FUT8: variants seen among roughly 807,000 people sequenced by gnomAD.
FUT8 encodes alpha-(1,6)-fucosyltransferase.
In FUT8, 29 loss-of-function variants were observed where a neutral mutation model predicts 71.3. The ratio of observed to expected loss-of-function variants is 0.41; its 90% CI spans 0.30 to 0.55. The LOEUF (loss-of-function observed/expected upper bound fraction) is 0.55, where lower values mean the gene tolerates loss of function less well. Ranked by LOEUF, FUT8 falls within the 20% of genes least tolerant of loss-of-function variation. The pLI, the probability that FUT8 is intolerant of heterozygous loss-of-function variation, is 0.34. For synonymous variants in FUT8, 254 were observed against 239.3 expected (o/e 1.06, Z -0.57); for missense variants, 544 against 702.1 (o/e 0.77, Z 2.55).
chr14:65,549,417 T>TAACA (rs1489744849), intron 2 of FUT8, among the ~76,000 whole-genome samples: 3 of 152,120 alleles, frequency 2.0e-5, no homozygotes, highest in Non-Finnish European at 4.4e-5. Flanking sequence ...CCATGTATGG[T>TAACA]TTACCCCCCA....
At chr14:65,484,638 C>T (rs1387305834) in intron 2 of FUT8, among the ~76,000 whole-genome samples, 1 of 151,932 alleles carries the variant, frequency 6.6e-6, no homozygotes, top group East Asian at 1.9e-4. Context: ...CATGCCACTG[C>T]ACTCCAGCCT....
At chr14:65,578,188 C>T (rs144610276) in intron 3 of FUT8, among the ~76,000 whole-genome samples, 2 of 151,994 alleles carry the variant, frequency 1.3e-5, no homozygotes, top group South Asian at 4.2e-4. Flanking sequence ...ATTAAACATT[C>T]TTTATATTTT....
chr14:65,597,402 G>A (rs3783708), intron 3 of FUT8, among the ~76,000 whole-genome samples: 54,213 of 151,914 alleles, frequency 0.36, 11,881 homozygotes, highest in Non-Finnish European at 0.5. Flanking sequence ...GCCGAGGCGG[G>A]TGGATCACGA....
At chr14:65,357,749 C>T in the FUT8 span, among the ~76,000 whole-genome samples, 17 of 152,270 alleles carry the variant, frequency 1.1e-4, no homozygotes, top group African/African-American at 3.6e-4. Flanking sequence ...AGGGTAATGA[C>T]AATAGTCTCT....
chr14:65,589,890 G>A (rs1045780654), intron 3 of FUT8, among the ~76,000 whole-genome samples: 1 of 152,142 alleles, frequency 6.6e-6, no homozygotes, highest in Admixed American at 6.5e-5. Flanking sequence ...AAAAGATGAT[G>A]CATAGACATG....
chr14:65,700,242 T>C (rs1386670122), intron 7 of FUT8, among the ~76,000 whole-genome samples: 2 of 152,176 alleles, frequency 1.3e-5, no homozygotes, highest in Non-Finnish European at 2.9e-5. Context: ...CATCAAGGCC[T>C]GAATATTCAT....
intron 1 of FUT8, among the ~76,000 whole-genome samples, chr14:65,414,573 T>G (rs1158606491): frequency 7.2e-5 from 11 of 152,214 alleles, no homozygotes; most frequent in Non-Finnish European, 1.6e-4. Flanking sequence ...ATTACTTGAT[T>G]TGTAAATACT....
intron 6 of FUT8, among the ~76,000 whole-genome samples, chr14:65,636,903 G>T (rs1890585310): frequency 6.6e-6 from 1 of 152,148 alleles, no homozygotes; most frequent in Non-Finnish European, 1.5e-5. Flanking sequence ...AGATTAAACT[G>T]ATTAAAAGAT....
intron 7 of FUT8, among the ~76,000 whole-genome samples, chr14:65,715,292 C>T (rs566824489): frequency 3.3e-5 from 5 of 152,118 alleles, no homozygotes; most frequent in African/African-American, 1.2e-4. Flanking sequence ...ATGAAGAGAT[C>T]TTGAATTTTA....
intron 1 of FUT8, among the ~76,000 whole-genome samples, chr14:65,450,943 G>A (rs1022415302): frequency 2.7e-5 from 4 of 150,916 alleles, no homozygotes; most frequent in Admixed American, 6.6e-5. Context: ...TGCAAGCTCC[G>A]CCTCCCAGGT....
intron 1 of FUT8, among the ~76,000 whole-genome samples, chr14:65,416,896 G>T (rs867789363): frequency 6.6e-6 from 1 of 150,626 alleles, no homozygotes; most frequent in East Asian, 2.0e-4. Flanking sequence ...CCATTCTCCC[G>T]CCTTAGCCTC....
Position 65,501,875 on chromosome 14 carries a change from A to T in FUT8, c.-228+46157A>T, listed in dbSNP as rs549324977. 1.6e-4 allele frequency among the ~76,000 whole-genome samples: 23 copies of T among 145,332 alleles called. No individual in the cohort carries two copies. The South Asian group carries it at 3.2e-3, about 20-fold the overall frequency. On this transcript the variant is annotated intron_variant, in intron 2 of 10. Transcript: ENST00000673929. ...ATTTGTTTAGTTAATGTGATGGGGG[A>T]GGGGGCATGAGACGGGTCTACTTTG...
Position 65,560,347 on chromosome 14 carries a change from GA to G in FUT8, c.-227-981del, listed in dbSNP as rs565690197. 2.7e-3 allele frequency among the ~76,000 whole-genome samples: 405 copies of G among 151,488 alleles called. 4 individuals are homozygous for G. The highest frequency in any genetic ancestry group is 0.017 in the South Asian group (83 of 4,800). On this transcript the variant is annotated intron_variant, in intron 2 of 10. Coordinates refer to ENST00000673929, the MANE Select transcript of FUT8 (RefSeq NM_001371533.1). ...TTATCAAAACATTTTTAAAATTAAA[GA>G]AAAAAAAATTTTTATAGAGATGGGG...
chr14:65,650,231 G>A (rs968792461), intron 6 of FUT8, among the ~76,000 whole-genome samples: 8 of 147,910 alleles, frequency 5.4e-5, no homozygotes, highest in Middle Eastern at 7.2e-3. Flanking sequence ...CCTGGGAGGC[G>A]GAGCTTGCAG....
At chr14:65,596,905 C>T (rs572338338) in intron 3 of FUT8, among the ~76,000 whole-genome samples, 104 of 152,222 alleles carry the variant, frequency 6.8e-4, no homozygotes, top group African/African-American at 1.9e-3. Flanking sequence ...CAGCATAATT[C>T]GTAAGAGGAA....
chr14:65,588,396 C>A (rs151110767), intron 3 of FUT8, among the ~76,000 whole-genome samples: 8 of 152,188 alleles, frequency 5.3e-5, no homozygotes, highest in Admixed American at 5.2e-4. Context: ...TTATTTATCT[C>A]TTCTTGCTAT....
In FUT8 at chr14:65,629,526, A is replaced by G; in HGVS notation, c.517A>G (p.Thr173Ala). The G allele has an allele frequency of 4.3e-6, 7 of 1,613,872 alleles. No individual in the cohort carries two copies. The highest frequency in any genetic ancestry group is 5.9e-6 in the Non-Finnish European group (7 of 1,179,774). Residue 173 changes from threonine (T) to alanine (A), a missense_variant, in exon 6 of 11, where the codon ACA becomes GCA. By Grantham distance (58) the Thr-to-Ala change is moderately conservative (BLOSUM62 0). Transcript: ENST00000673929. ...GACGGATCTATACTACCTCAGTCAG[A>G]CAGATGGAGCAGGTGATTGGCGGGA... The part of the protein sequence containing the change: ...IMTDLYYLSQ[T>A]DGAGDWREKE...
chr14:65,580,070 T>TCATATATATA lies in FUT8; in HGVS notation c.203+18304_203+18305insCATATATATA, dbSNP rs3986817. Among the ~76,000 whole-genome samples the TCATATATATA allele has an allele frequency of 3.4e-4, 48 of 142,846 alleles. No individual in the cohort carries two copies. In the East Asian group the frequency reaches 9.1e-3, roughly 27 times the overall value. The allele number at this position is 142,846 out of a possible 152,430, so 93.7% of individuals were successfully genotyped here. A position where few individuals can be genotyped will look rare whatever the true frequency, so the allele number is the denominator to read the frequency against. Reference sequence around the variant, plus strand: ...TTCAAAATACTGATAGTGCTATATTTTATATATATATATATATATAGTCAT... The same window carrying TCATATATATA: ...TTCAAAATACTGATAGTGCTATATTTCATATATATATATATATATATATATATATAGTCAT... On this transcript the variant is annotated intron_variant, in intron 3 of 10. Coordinates refer to ENST00000673929, the MANE Select transcript of FUT8 (RefSeq NM_001371533.1).
At chr14:65,667,193 AAATT>A (rs988712940) in intron 6 of FUT8, among the ~76,000 whole-genome samples, 27 of 152,190 alleles carry the variant, frequency 1.8e-4, no homozygotes, top group African/African-American at 6.5e-4. Flanking sequence ...CAAGAGAAAA[AAATT>A]AAAGGCATCC....
Sources: allele counts gnomAD v4.1 joint callset (sites outside exome capture counted in the v4.1 genomes callset), GRCh38; gene constraint gnomAD v4.1.1; transcripts MANE v1.5; gene names NCBI Gene and HGNC (gene_info 2026-07-23, HGNC 2026-07-21).